Variants in FUT8 observed in about 807,000 individuals in gnomAD.
The protein encoded by FUT8 is alpha-(1,6)-fucosyltransferase.
Under a neutral mutation model 71.3 loss-of-function variants are expected in FUT8, and 29 were observed. That is an observed-to-expected ratio of 0.41 (90% CI 0.30 to 0.55). The LOEUF (loss-of-function observed/expected upper bound fraction) is 0.55. FUT8 is among the 20% of genes least tolerant of loss of function. FUT8 has a pLI of 0.34. For missense variants in FUT8, 544 were observed against 702.1 expected, an observed-to-expected ratio of 0.77 and a Z score of 2.55; for synonymous variants, 254 against 239.3, an observed-to-expected ratio of 1.06 and a Z score of -0.57.
chr14:65,732,225 T>G (rs1896015577), intron 9 of FUT8, among the ~76,000 whole-genome samples: 1 of 152,170 alleles, frequency 6.6e-6, no homozygotes, highest in Admixed American at 6.5e-5. Context: ...CAATCATTAT[T>G]ACAGAGGCAA....
intron 1 of FUT8, among the ~76,000 whole-genome samples, chr14:65,428,489 T>C (rs2065422012): frequency 6.6e-6 from 1 of 152,128 alleles, no homozygotes; most frequent in African/African-American, 2.4e-5. Context: ...CTTCCTAGCC[T>C]CCAGAACTGT....
intron 7 of FUT8, among the ~76,000 whole-genome samples, chr14:65,710,404 C>G (rs1427792464): frequency 3.3e-5 from 5 of 152,050 alleles, no homozygotes; most frequent in African/African-American, 1.2e-4. Flanking sequence ...TATGGTAAAT[C>G]AAGTAAAAGA....
chr14:65,674,016 T>A (rs1187074349), intron 7 of FUT8, among the ~76,000 whole-genome samples: 1 of 152,178 alleles, frequency 6.6e-6, no homozygotes, highest in Non-Finnish European at 1.5e-5. Flanking sequence ...TGGAATCATC[T>A]AAATATTCTA....
At chr14:65,500,719 A>G (rs2066633058) in intron 2 of FUT8, among the ~76,000 whole-genome samples, 1 of 152,138 alleles carries the variant, frequency 6.6e-6, no homozygotes, top group Admixed American at 6.6e-5. Flanking sequence ...AGTCTCCTTA[A>G]AGTGTAATAA....
chr14:65,600,516 A>T (rs1222272565), intron 3 of FUT8, among the ~76,000 whole-genome samples: 1 of 152,224 alleles, frequency 6.6e-6, no homozygotes, highest in East Asian at 1.9e-4. Flanking sequence ...TATAGAAACA[A>T]CTTACATTTA....
rs779126993 is a variant in FUT8 at position 65,688,017 on chromosome 14, A to G, written c.835+18537A>G. Among the ~76,000 whole-genome samples, 117 of 152,332 alleles carry G rather than the reference A, an allele frequency of 7.7e-4. 2 individuals are homozygous for G. The highest frequency in any genetic ancestry group is 9.8e-4 in the Admixed American group (15 of 15,308). ...TGCACTGGGATTACAGGCATGAGCC[A>G]CCATGCCTAACCCTCTATTATTAAT... On this transcript the variant is annotated intron_variant, in intron 7 of 10. Coordinates refer to ENST00000673929, the MANE Select transcript of FUT8 (RefSeq NM_001371533.1).
At position 65,742,806 on chromosome 14, in the gene FUT8, G is replaced by A. The variant is rs760123606; in HGVS notation, c.*396G>A. On this transcript the variant is annotated 3_prime_UTR_variant, in exon 11 of 11. Transcript: ENST00000673929. ...ACCTGTGTGAACTATTGAGAAGATCGGAACAGCTCCTTACTCTGAGGAAGT... is the reference window on the plus strand; with the variant it reads ...ACCTGTGTGAACTATTGAGAAGATCAGAACAGCTCCTTACTCTGAGGAAGT... The A allele has an allele frequency of 3.2e-4, 54 of 169,450 alleles. No homozygotes were observed. Among genetic ancestry groups the A allele is most frequent in the Non-Finnish European group, 5.6e-4 (43 of 77,082 alleles). 10.5% of individuals were successfully genotyped at this position (169,450 alleles called of 1,614,324 possible). A position where few individuals can be genotyped will look rare whatever the true frequency, so the allele number is the denominator to read the frequency against.
At position 65,724,488 on chromosome 14, in the gene FUT8, T is replaced by C. The variant is rs61987778; in HGVS notation, c.1259+165T>C. The stretch of plus-strand genomic sequence containing the variant: ...TGTGTAACTGTCAGTCTAATCAAAG[T>C]GTTTTTATTAGCCATATCCAATAAT... On this transcript the variant is annotated intron_variant, in intron 9 of 10. Transcript: ENST00000673929. Among the ~76,000 whole-genome samples, 15,444 of 152,240 alleles carry C rather than the reference T, an allele frequency of 0.1. 1,004 individuals carry two copies. Among genetic ancestry groups the C allele is most frequent in the African/African-American group, 0.18 (7,279 of 41,514 alleles).
At chr14:65,575,128 T>G (rs1189510791) in intron 3 of FUT8, among the ~76,000 whole-genome samples, 6 of 151,808 alleles carry the variant, frequency 4.0e-5, no homozygotes, top group African/African-American at 1.4e-4. Context: ...TATAATAGTC[T>G]AGGAGTGCCT....
chr14:65,369,804 G>A, the FUT8 span, among the ~76,000 whole-genome samples: 1 of 152,232 alleles, frequency 6.6e-6, no homozygotes, highest in South Asian at 2.1e-4. This position sits in a 1 kb window ranked among gnomAD's most constrained non-coding sequence, Gnocchi z 4.6. Context: ...CCCTTGTTTG[G>A]CATATAATCC....
chr14:65,594,907 GT>G (rs1407781158), intron 3 of FUT8, among the ~76,000 whole-genome samples: 1 of 152,116 alleles, frequency 6.6e-6, no homozygotes, highest in African/African-American at 2.4e-5. Context: ...GCCATAGGTA[GT>G]TTTGGAAAAG....
At chr14:65,425,471 T>C (rs1270856981) in intron 1 of FUT8, among the ~76,000 whole-genome samples, 11 of 150,236 alleles carry the variant, frequency 7.3e-5, no homozygotes, top group African/African-American at 2.7e-4. Flanking sequence ...CCTGGCCGTT[T>C]TTTTTTTTTT....
intron 7 of FUT8, among the ~76,000 whole-genome samples, chr14:65,684,973 A>C (rs1402086292): frequency 6.6e-6 from 1 of 152,208 alleles, no homozygotes; most frequent in East Asian, 1.9e-4. Context: ...AATTAGTTTA[A>C]TTTAAATTAA....
At chr14:65,635,499 G>T (rs535070366) in intron 6 of FUT8, among the ~76,000 whole-genome samples, 1 of 152,246 alleles carries the variant, frequency 6.6e-6, no homozygotes, top group South Asian at 2.1e-4. Flanking sequence ...TTACACTGAG[G>T]TATGTCCCTT....
intron 7 of FUT8, among the ~76,000 whole-genome samples, chr14:65,715,310 C>T (rs1485861010): frequency 6.6e-6 from 1 of 152,154 alleles, no homozygotes; most frequent in East Asian, 1.9e-4. Flanking sequence ...TTATCACATG[C>T]TTTTTCTGCA....
chr14:65,408,672 G>A (rs771297831), upstream of FUT8, among the ~76,000 whole-genome samples: 8 of 152,190 alleles, frequency 5.3e-5, no homozygotes, highest in Admixed American at 1.3e-4. Flanking sequence ...GGAGAAGACA[G>A]AAATTTCAGC....
intron 9 of FUT8, among the ~76,000 whole-genome samples, chr14:65,727,079 G>A (rs1445667595): frequency 6.6e-6 from 1 of 152,178 alleles, no homozygotes; most frequent in Non-Finnish European, 1.5e-5. Flanking sequence ...CACCCCTATG[G>A]CTTTGCAGTG....
intron 3 of FUT8, among the ~76,000 whole-genome samples, chr14:65,601,681 T>C (rs1888293636): frequency 6.6e-6 from 1 of 152,150 alleles, no homozygotes; most frequent in Non-Finnish European, 1.5e-5. Flanking sequence ...ATAAAAGACA[T>C]GCTATATAAT....
intron 10 of FUT8, 44 bp downstream of exon 10, chr14:65,733,425 T>C: frequency 6.9e-7 from 1 of 1,448,922 alleles, no homozygotes. Context: ...TACTTTTTGG[T>C]TGTATAGGAG....
Sources: allele counts gnomAD v4.1 joint callset (sites outside exome capture counted in the v4.1 genomes callset), GRCh38; gene constraint gnomAD v4.1.1; non-coding constraint Gnocchi (gnomAD v3.1); transcripts MANE v1.5; gene names NCBI Gene and HGNC (gene_info 2026-07-23, HGNC 2026-07-21).